Variants in SCHIP1 observed in about 807,000 individuals in gnomAD.
SCHIP1 encodes the protein schwannomin interacting protein 1, also known as schwannomin-interacting protein 1.
In SCHIP1, 8 loss-of-function variants were observed where a neutral mutation model predicts 29.7. The ratio of observed to expected loss-of-function variants is 0.27; its 90% CI spans 0.16 to 0.49. The LOEUF is 0.49. SCHIP1 is among the 20% of genes least tolerant of loss of function. The pLI is 0.99. For missense variants in SCHIP1, 193 were observed against 294.6 expected (o/e 0.66, Z 2.52); for synonymous variants, 76 against 94.9 (o/e 0.80, Z 1.16).
At chr3:159,823,106 G>A in the SCHIP1 span, among the ~76,000 whole-genome samples, 1 of 152,110 alleles carries the variant, frequency 6.6e-6, no homozygotes, top group East Asian at 1.9e-4. Flanking sequence ...AAAGGAGAGT[G>A]AATAAGGAGG....
the SCHIP1 span, among the ~76,000 whole-genome samples, chr3:159,646,532 T>C: frequency 1.3e-5 from 2 of 152,264 alleles, no homozygotes; most frequent in South Asian, 4.1e-4. Flanking sequence ...CTAAAAGCTT[T>C]CTCTGCCTAC....
the SCHIP1 span, among the ~76,000 whole-genome samples, chr3:159,689,238 T>A: frequency 1.6e-4 from 24 of 152,242 alleles, no homozygotes; most frequent in Non-Finnish European, 1.3e-4. Context: ...GAACATGGAA[T>A]GTTCTTCCAT....
the SCHIP1 span, among the ~76,000 whole-genome samples, chr3:159,454,307 C>T: frequency 6.6e-6 from 1 of 152,138 alleles, no homozygotes; most frequent in Non-Finnish European, 1.5e-5. Flanking sequence ...ACTTAGGGGG[C>T]TGTTCCCAGC....
At chr3:159,578,068 G>C in the SCHIP1 span, among the ~76,000 whole-genome samples, 7 of 152,118 alleles carry the variant, frequency 4.6e-5, no homozygotes, top group Admixed American at 2.6e-4. Context: ...CCCGGTTTTG[G>C]GGGGGTGGAA....
the SCHIP1 span, among the ~76,000 whole-genome samples, chr3:159,451,582 T>A: frequency 2.6e-5 from 4 of 152,334 alleles, no homozygotes; most frequent in African/African-American, 9.6e-5. Flanking sequence ...AATCAATACT[T>A]TAAAATCCAT....
the SCHIP1 span, among the ~76,000 whole-genome samples, chr3:159,591,368 C>T: frequency 6.6e-6 from 1 of 152,098 alleles, no homozygotes; most frequent in African/African-American, 2.4e-5. Flanking sequence ...GGCGATTCCT[C>T]AAGGATCTAG....
the SCHIP1 span, among the ~76,000 whole-genome samples, chr3:159,651,426 A>G: frequency 6.6e-6 from 1 of 152,216 alleles, no homozygotes; most frequent in East Asian, 1.9e-4. Flanking sequence ...CAGTGTGGAC[A>G]GCAAAGCTCC....
chr3:159,878,505 G>A (rs775085668), intron 2 of SCHIP1, among the ~76,000 whole-genome samples: 2 of 150,034 alleles, frequency 1.3e-5, no homozygotes, highest in East Asian at 2.0e-4. Context: ...TAGGCCGGGC[G>A]CGGTGGCTCA....
chr3:159,623,641 A>G, the SCHIP1 span, among the ~76,000 whole-genome samples: 1 of 150,044 alleles, frequency 6.7e-6, no homozygotes, highest in Non-Finnish European at 1.5e-5. Context: ...AAATAAATAA[A>G]CAAAGAGTTT....
chr3:159,665,180 A>T, the SCHIP1 span, among the ~76,000 whole-genome samples: 2 of 152,264 alleles, frequency 1.3e-5, no homozygotes, highest in African/African-American at 2.4e-5. Context: ...GTTTAGAACT[A>T]CTGGTTCAGA....
the SCHIP1 span, among the ~76,000 whole-genome samples, chr3:159,796,265 A>G: frequency 2.6e-5 from 4 of 152,150 alleles, no homozygotes; most frequent in South Asian, 2.1e-4. Context: ...CCGAACTAAG[A>G]CAAGTTGGGG....
At chr3:159,692,115 G>A in the SCHIP1 span, among the ~76,000 whole-genome samples, 5,859 of 142,860 alleles carry the variant, frequency 0.041, 123 homozygotes, top group Middle Eastern at 0.13. Context: ...TGCAAGCTCC[G>A]CTTCCCGGTA....
the SCHIP1 span, among the ~76,000 whole-genome samples, chr3:159,690,526 T>C: frequency 2.0e-5 from 3 of 152,238 alleles, no homozygotes; most frequent in East Asian, 5.8e-4. Context: ...ATCTATTTTG[T>C]TAATCTTTTC....
the SCHIP1 span, among the ~76,000 whole-genome samples, chr3:159,751,226 C>T: frequency 1.3e-5 from 2 of 152,204 alleles, no homozygotes; most frequent in Non-Finnish European, 2.9e-5. Context: ...GTCATTTACT[C>T]TTTATGGCCT....
At chr3:159,859,157 G>T (rs1209459568) in intron 1 of SCHIP1, among the ~76,000 whole-genome samples, 2 of 152,166 alleles carry the variant, frequency 1.3e-5, no homozygotes, top group Non-Finnish European at 2.9e-5. Flanking sequence ...AACCTGCATG[G>T]TGCAAGAATT....
the SCHIP1 span, among the ~76,000 whole-genome samples, chr3:159,558,403 G>A: frequency 3.9e-5 from 6 of 152,174 alleles, no homozygotes. Context: ...ACAAGAAGCA[G>A]CAACCTGCTT....
chr3:159,560,075 G>C, the SCHIP1 span, among the ~76,000 whole-genome samples: 10 of 152,186 alleles, frequency 6.6e-5, no homozygotes, highest in Admixed American at 6.5e-4. Context: ...GGTCAAGGAA[G>C]TTCTTCAATT....
At chr3:159,456,178 T>C in the SCHIP1 span, among the ~76,000 whole-genome samples, 1,603 of 152,304 alleles carry the variant, frequency 0.011, 27 homozygotes, top group African/African-American at 0.036. Context: ...GCTTGCTGGG[T>C]TGGCTAGTGA....
At chr3:159,833,531 C>T in the SCHIP1 span, among the ~76,000 whole-genome samples, 194 of 152,280 alleles carry the variant, frequency 1.3e-3, no homozygotes, top group Middle Eastern at 3.4e-3. Flanking sequence ...TTTACCTTGC[C>T]GCTTGGGGAT....
Sources: allele counts gnomAD v4.1 joint callset (sites outside exome capture counted in the v4.1 genomes callset), GRCh38; gene constraint gnomAD v4.1.1; transcripts MANE v1.5; gene names NCBI Gene and HGNC (gene_info 2026-07-23, HGNC 2026-07-21).